Variants in SORCS3 observed in about 807,000 individuals in gnomAD.
SORCS3 encodes sortilin related VPS10 domain containing receptor 3.
Under a neutral mutation model 146.3 loss-of-function variants are expected in SORCS3, and 57 were observed. The ratio of observed to expected loss-of-function variants is 0.39; its 90% CI spans 0.31 to 0.49. The LOEUF is 0.49. Among genes scored for constraint, SORCS3 ranks in the 20% least tolerant of loss-of-function variants. The pLI, the probability that SORCS3 is intolerant of heterozygous loss-of-function variation, is 0.92. For synonymous variants in SORCS3, 653 were observed against 618.5 expected (o/e 1.06, Z -0.83); for missense variants, 1,341 against 1,575.5 (o/e 0.85, Z 2.52).
chr10:105,244,324 A>G (rs948777629), intron 20 of SORCS3, among the ~76,000 whole-genome samples: 2 of 152,064 alleles, frequency 1.3e-5, no homozygotes, highest in Admixed American at 6.6e-5. Flanking sequence ...CAAGGGTTTG[A>G]AATGTACAGG....
intron 1 of SORCS3, among the ~76,000 whole-genome samples, chr10:104,766,417 C>T (rs1205566175): frequency 6.6e-6 from 1 of 152,206 alleles, no homozygotes; most frequent in African/African-American, 2.4e-5. Context: ...TCTGTACTTA[C>T]CTCTGTCCAG....
At chr10:105,242,062 C>T (rs1207109008) in intron 20 of SORCS3, among the ~76,000 whole-genome samples, 1 of 151,790 alleles carries the variant, frequency 6.6e-6, no homozygotes, top group East Asian at 1.9e-4. Context: ...GGGTACCCGC[C>T]CCTATCTGCC....
intron 4 of SORCS3, among the ~76,000 whole-genome samples, chr10:105,009,205 C>G (rs965340040): frequency 6.6e-6 from 1 of 152,054 alleles, no homozygotes; most frequent in Non-Finnish European, 1.5e-5. Context: ...TGATTTAAGA[C>G]TAATAGGAGG....
chr10:105,196,207 T>C (rs947273040), intron 14 of SORCS3, among the ~76,000 whole-genome samples: 1 of 152,224 alleles, frequency 6.6e-6, no homozygotes, highest in African/African-American at 2.4e-5. Flanking sequence ...ACATGGATGA[T>C]GCTTGCATGC....
chr10:105,165,948 T>C (rs1378465200), intron 12 of SORCS3, among the ~76,000 whole-genome samples: 1 of 152,132 alleles, frequency 6.6e-6, no homozygotes, highest in Non-Finnish European at 1.5e-5. Context: ...TCTTCCTATG[T>C]TCCTCATTCT....
intron 4 of SORCS3, among the ~76,000 whole-genome samples, chr10:105,025,436 C>T (rs1364015449): frequency 6.6e-6 from 1 of 152,086 alleles, no homozygotes; most frequent in Non-Finnish European, 1.5e-5. Context: ...ATCCTTTCTT[C>T]CCAAGGAGAT....
intron 4 of SORCS3, among the ~76,000 whole-genome samples, chr10:105,034,277 A>G (rs947879590): frequency 5.3e-5 from 8 of 152,210 alleles, no homozygotes; most frequent in Middle Eastern, 6.8e-3. Flanking sequence ...CCAAATGGAA[A>G]TAGGAAGAAG....
chr10:104,940,394 C>G (rs2019307652), intron 3 of SORCS3, among the ~76,000 whole-genome samples: 1 of 95,016 alleles, frequency 1.1e-5, no homozygotes, highest in Admixed American at 1.2e-4. Flanking sequence ...TCTCCCCCCT[C>G]CCCCCACCCC....
intron 1 of SORCS3, among the ~76,000 whole-genome samples, chr10:104,821,708 A>G (rs2017874970): frequency 6.6e-6 from 1 of 152,116 alleles, no homozygotes. Context: ...TTTCTCTTCT[A>G]TTCTGGGGTA....
chr10:104,911,731 C>T (rs958298985), intron 2 of SORCS3, among the ~76,000 whole-genome samples: 2 of 152,150 alleles, frequency 1.3e-5, no homozygotes, highest in African/African-American at 4.8e-5. Context: ...AAGATGCTTT[C>T]CTTAACCAAA....
intron 1 of SORCS3, among the ~76,000 whole-genome samples, chr10:104,651,101 T>C (rs2015552896): frequency 6.6e-6 from 1 of 152,228 alleles, no homozygotes; most frequent in African/African-American, 2.4e-5. Context: ...ACAATGAAGC[T>C]GGTGACACAG....
intron 1 of SORCS3, among the ~76,000 whole-genome samples, chr10:104,831,776 C>A (rs375838561): frequency 3.5e-4 from 53 of 152,280 alleles, no homozygotes; most frequent in African/African-American, 1.3e-3. Flanking sequence ...CTGGGGAAAA[C>A]CTGCACCTTG....
intron 3 of SORCS3, among the ~76,000 whole-genome samples, chr10:104,929,724 C>T (rs2019188180): frequency 6.6e-6 from 1 of 152,230 alleles, no homozygotes; most frequent in South Asian, 2.1e-4. Context: ...ATCCAGGCTG[C>T]AGGCCTGCCA....
At chr10:104,883,222 T>C (rs952739382) in intron 2 of SORCS3, among the ~76,000 whole-genome samples, 2 of 152,200 alleles carry the variant, frequency 1.3e-5, no homozygotes, top group East Asian at 3.8e-4. Flanking sequence ...AGGAAAGAGC[T>C]GCCTAATTAA....
At chr10:104,864,570 T>C (rs933226154) in intron 2 of SORCS3, among the ~76,000 whole-genome samples, 5 of 152,202 alleles carry the variant, frequency 3.3e-5, no homozygotes, top group African/African-American at 1.2e-4. Context: ...TCATGGCCTC[T>C]TGGTGTGCTG....
chr10:105,061,708 C>A (rs1482603536), intron 5 of SORCS3, among the ~76,000 whole-genome samples: 1 of 151,636 alleles, frequency 6.6e-6, no homozygotes, highest in African/African-American at 2.4e-5. Context: ...AGGAACACCA[C>A]CACCTTTGAG....
chr10:104,841,740 A>C (rs190340869), intron 1 of SORCS3, among the ~76,000 whole-genome samples: 1 of 152,346 alleles, frequency 6.6e-6, no homozygotes, highest in South Asian at 2.1e-4. Context: ...TATCTCGGAA[A>C]GAATTTAATG....
chr10:105,262,957 TA>T (rs1397843987), intron 26 of SORCS3, among the ~76,000 whole-genome samples: 1 of 152,010 alleles, frequency 6.6e-6, no homozygotes, highest in African/African-American at 2.4e-5. Context: ...GTGTAGTACC[TA>T]AAAAAAACAA....
intron 22 of SORCS3, among the ~76,000 whole-genome samples, chr10:105,249,479 GGAA>G (rs1338494127): frequency 6.6e-6 from 1 of 152,158 alleles, no homozygotes; most frequent in Non-Finnish European, 1.5e-5. Flanking sequence ...CTGACAGATA[GGAA>G]GAAGAATAAA....
Sources: gnomAD v4.1 joint callset for allele counts (sites outside exome capture counted in the v4.1 genomes callset) on GRCh38, gnomAD v4.1.1 for gene constraint, MANE v1.5 for transcripts, NCBI Gene and HGNC (gene_info 2026-07-23, HGNC 2026-07-21) for gene names.